Variants in MYO1D observed in about 807,000 individuals in gnomAD.
The protein encoded by MYO1D is myosin ID.
A neutral mutation model predicts 122.0 loss-of-function variants in MYO1D; 83 were observed. The ratio of observed to expected loss-of-function variants is 0.68; its 90% CI spans 0.57 to 0.82. The LOEUF is 0.82. Ranked by LOEUF, MYO1D falls within the 40% of genes least tolerant of loss-of-function variation. The pLI is 0.00. For synonymous variants in MYO1D, 464 were observed against 446.9 expected (o/e 1.04, Z -0.48); for missense variants, 1,157 against 1,269.5 (o/e 0.91, Z 1.35).
intron 21 of MYO1D, among the ~76,000 whole-genome samples, chr17:32,530,744 T>C (rs2150872786): frequency 6.6e-6 from 1 of 152,232 alleles, no homozygotes. Context: ...GAGGTTGTAG[T>C]GAGCTATGAT....
At chr17:32,755,403 T>A (rs935661049) in intron 11 of MYO1D, 89 bp downstream of exon 11, 1 of 1,346,530 alleles carries the variant, frequency 7.4e-7, no homozygotes. Context: ...GGACATTCTT[T>A]TATCCCAACA....
chr17:32,732,345 T>G (rs1049822584), intron 14 of MYO1D, among the ~76,000 whole-genome samples: 4 of 152,160 alleles, frequency 2.6e-5, no homozygotes, highest in Non-Finnish European at 5.9e-5. Context: ...TTTCCAGGCC[T>G]GCCTATGGAC....
At chr17:32,715,591 T>C (rs1397887659) in intron 15 of MYO1D, among the ~76,000 whole-genome samples, 1 of 152,052 alleles carries the variant, frequency 6.6e-6, no homozygotes, top group East Asian at 1.9e-4. Flanking sequence ...CTATGTATTC[T>C]CTCCCCACAT....
In MYO1D at chr17:32,545,346, C is replaced by G. The variant is rs527902322; in HGVS notation, c.2865-50431G>C. ...GAAAACGTATGTAAAGCATGTGGCTCAGTGGCAGCACCCAGGAAACATCAG... is the reference window on the plus strand; with the variant it reads ...GAAAACGTATGTAAAGCATGTGGCTGAGTGGCAGCACCCAGGAAACATCAG... On this transcript the variant is annotated intron_variant, in intron 21 of 21. Transcript: ENST00000318217. Among the ~76,000 whole-genome samples the G allele has an allele frequency of 4.6e-5, 7 of 152,324 alleles. No individual in the cohort carries two copies. The South Asian group carries it at 1.2e-3, about 27-fold the overall frequency.
intron 1 of MYO1D, among the ~76,000 whole-genome samples, chr17:32,842,188 G>A (rs1453842407): frequency 6.6e-6 from 1 of 152,136 alleles, no homozygotes; most frequent in African/African-American, 2.4e-5. Context: ...AGCGGAACAA[G>A]GCAGTTTAAG....
chr17:32,653,691 T>C, intron 19 of MYO1D, 152 bp downstream of exon 19: 1 of 574,464 alleles, frequency 1.7e-6, no homozygotes, highest in Non-Finnish European at 3.0e-6. Flanking sequence ...ACCTCAGCCA[T>C]TCCTACAATG....
intron 1 of MYO1D, among the ~76,000 whole-genome samples, chr17:32,814,266 C>T (rs1598120590): frequency 1.3e-5 from 2 of 152,268 alleles, no homozygotes; most frequent in East Asian, 3.9e-4. Context: ...ATCACCTGAA[C>T]CCGGGAGGCG....
intron 4 of MYO1D, 61 bp downstream of exon 4, chr17:32,775,803 T>C (rs2090165850): frequency 7.4e-7 from 1 of 1,350,680 alleles, no homozygotes. Flanking sequence ...ATTCTATAAA[T>C]ATAATTTGTT....
At chr17:32,854,276 T>C (rs925386770) in intron 1 of MYO1D, among the ~76,000 whole-genome samples, 20 of 152,224 alleles carry the variant, frequency 1.3e-4, no homozygotes, top group African/African-American at 4.8e-4. Context: ...AGAGCTTACA[T>C]GAAGGAATAA....
intron 21 of MYO1D, chr17:32,530,085 C>T (rs1480024807): frequency 6.6e-6 from 1 of 152,128 alleles, no homozygotes; most frequent in African/African-American, 2.4e-5. Flanking sequence ...TCTCCAGGGA[C>T]AATGAGACAA....
chr17:32,693,454 A>G (rs530908257), intron 16 of MYO1D, among the ~76,000 whole-genome samples: 6 of 152,310 alleles, frequency 3.9e-5, no homozygotes, highest in African/African-American at 1.2e-4. Flanking sequence ...TGGGGGCTCA[A>G]TTGAAAGGTG....
chr17:32,709,128 G>GA (rs2089343890), intron 16 of MYO1D, among the ~76,000 whole-genome samples: 1 of 152,172 alleles, frequency 6.6e-6, no homozygotes, highest in Non-Finnish European at 1.5e-5. Flanking sequence ...TTAAAAAGAG[G>GA]AATCTACCGG....
At chr17:32,580,185 C>A (rs1412842172) in intron 21 of MYO1D, among the ~76,000 whole-genome samples, 1 of 149,456 alleles carries the variant, frequency 6.7e-6, no homozygotes, top group Non-Finnish European at 1.5e-5. Context: ...AAGGGGAAAA[C>A]ATTCAGTCTT....
chr17:32,623,796 C>T (rs879864308), intron 20 of MYO1D, among the ~76,000 whole-genome samples: 1 of 152,144 alleles, frequency 6.6e-6, no homozygotes, highest in Non-Finnish European at 1.5e-5. Context: ...TGGTGGCCCT[C>T]GTCCAGGTTG....
At position 32,538,855 on chromosome 17, in the gene MYO1D, C is replaced by T. The variant is rs138798645; in HGVS notation, c.2865-43940G>A. Among the ~76,000 whole-genome samples, 30 of 152,198 alleles carry T rather than the reference C, an allele frequency of 2.0e-4. 1 individual carries two copies. Among genetic ancestry groups the T allele is most frequent in the African/African-American group, 7.0e-4 (29 of 41,524 alleles). On this transcript the variant is annotated intron_variant, in intron 21 of 21. Transcript: ENST00000318217. ...GCAAACTAACACAGGAACAGAAAAC[C>T]AAACACCGCATGTTCTTGCTCATAA...
At chr17:32,814,638 G>A (rs1029738792) in intron 1 of MYO1D, among the ~76,000 whole-genome samples, 1 of 152,204 alleles carries the variant, frequency 6.6e-6, no homozygotes, top group African/African-American at 2.4e-5. Flanking sequence ...TTCTAAGCAC[G>A]ATGCATTACA....
At chr17:32,823,933 G>A (rs928219943) in intron 1 of MYO1D, among the ~76,000 whole-genome samples, 3 of 151,920 alleles carry the variant, frequency 2.0e-5, no homozygotes, top group African/African-American at 4.8e-5. Context: ...GGGGCGTGGT[G>A]GTGGGCACCT....
At chr17:32,580,345 T>C (rs957088510) in intron 21 of MYO1D, among the ~76,000 whole-genome samples, 1 of 144,254 alleles carries the variant, frequency 6.9e-6, no homozygotes, top group Non-Finnish European at 1.5e-5. Context: ...GGATGCCGGA[T>C]TTTAAATGCT....
At chr17:32,518,922 GC>G (rs1226844093) in intron 21 of MYO1D, 1 of 152,266 alleles carries the variant, frequency 6.6e-6, no homozygotes, top group African/African-American at 2.4e-5. Flanking sequence ...GAACTCGGCG[GC>G]CGACAGGTTC....
Sources: gnomAD v4.1 joint callset for allele counts (sites outside exome capture counted in the v4.1 genomes callset) on GRCh38, gnomAD v4.1.1 for gene constraint, MANE v1.5 for transcripts, NCBI Gene and HGNC (gene_info 2026-07-23, HGNC 2026-07-21) for gene names.